The following NRG1 variants were observed in gnomAD, a reference collection of about 807,000 sequenced individuals.
NRG1 encodes the protein neuregulin 1.
Under a neutral mutation model 63.8 loss-of-function variants are expected in NRG1, and 18 were observed. The observed-to-expected ratio is 0.28, with a 90% CI of 0.19 to 0.42. NRG1 has a LOEUF of 0.42. Ranked by LOEUF, NRG1 falls within the 10% of genes least tolerant of loss-of-function variation. The probability of loss-of-function intolerance (pLI) is 1.00; values close to 1 mark genes in which losing one functional copy is unlikely to be tolerated. For missense variants in NRG1, 762 were observed against 814.7 expected (o/e 0.94, Z 0.79); for synonymous variants, 302 against 301.3 (o/e 1.00, Z -0.02).
intron 1 of NRG1, among the ~76,000 whole-genome samples, chr8:32,270,262 A>G (rs1851406981): frequency 1.3e-5 from 2 of 152,216 alleles, no homozygotes; most frequent in South Asian, 4.1e-4. Flanking sequence ...GAAATAAAAA[A>G]CAGTAATTGT....
intron 1 of NRG1, among the ~76,000 whole-genome samples, chr8:31,701,774 T>C (rs1810656549): frequency 6.6e-6 from 1 of 152,122 alleles, no homozygotes; most frequent in South Asian, 2.1e-4. Flanking sequence ...AAAAAATCAA[T>C]ACAAAACAAC....
In NRG1 at chr8:32,760,923, T is replaced by A. The variant is rs953428016; in HGVS notation, c.1259+517T>A. On this transcript the variant is annotated intron_variant, in intron 11 of 11. Transcript: ENST00000356819. Reference sequence around the variant, plus strand: ...TGTCATGGGGGGCAACTGCTTGCCCTCCACCCTATAGTATCTATTTTATGA... The same window carrying A: ...TGTCATGGGGGGCAACTGCTTGCCCACCACCCTATAGTATCTATTTTATGA... 48 of 992,198 alleles carry A rather than the reference T, an allele frequency of 4.8e-5. No individual in the cohort carries two copies. The African/African-American group carries it at 8.2e-4, about 17-fold the overall frequency. The allele number at this position is 992,198 out of a possible 1,614,324, so 61.5% of individuals were successfully genotyped here.
intron 1 of NRG1, among the ~76,000 whole-genome samples, chr8:32,338,882 C>G (rs115097037): frequency 6.8e-4 from 103 of 152,226 alleles, no homozygotes; most frequent in Non-Finnish European, 9.6e-4. Flanking sequence ...TCAGTTGTTA[C>G]ATCTGGCTTT....
chr8:32,441,154 GAGA>G (rs1452042198), intron 1 of NRG1: 1 of 152,146 alleles, frequency 6.6e-6, no homozygotes, highest in Non-Finnish European at 1.5e-5. Context: ...CTCATGCTCA[GAGA>G]TTAAGAGAAT....
At chr8:31,740,433 G>T (rs1393481215) in intron 1 of NRG1, among the ~76,000 whole-genome samples, 1 of 151,922 alleles carries the variant, frequency 6.6e-6, no homozygotes, top group African/African-American at 2.4e-5. Flanking sequence ...GAAATACCTT[G>T]GTTGGTCCTC....
At chr8:31,679,430 G>C (rs1413233783) in intron 1 of NRG1, among the ~76,000 whole-genome samples, 1 of 152,066 alleles carries the variant, frequency 6.6e-6, no homozygotes, top group Non-Finnish European at 1.5e-5. Context: ...TGTCTCTGCT[G>C]TCTAGAACAG....
At chr8:31,995,034 A>G (rs916632582) in intron 1 of NRG1, among the ~76,000 whole-genome samples, 1 of 151,982 alleles carries the variant, frequency 6.6e-6, no homozygotes. Context: ...TTCTCTAATA[A>G]CATCTTTTGT....
chr8:32,595,719 T>C, intron 1 of NRG1, 109 bp from the exon 2 acceptor site: 1 of 977,782 alleles, frequency 1.0e-6, no homozygotes, highest in Non-Finnish European at 1.4e-6. Context: ...TCTCTGTTAA[T>C]AAAACCTTTG....
chr8:32,130,475 TTGGTGGTAATAC>T (rs1834663604), intron 1 of NRG1, among the ~76,000 whole-genome samples: 1 of 152,020 alleles, frequency 6.6e-6, no homozygotes, highest in Admixed American at 6.6e-5. Flanking sequence ...TTCATTGGAA[TTGGTGGTAATAC>T]TGAGGTCAGG....
intron 1 of NRG1, among the ~76,000 whole-genome samples, chr8:31,707,335 A>AT (rs1320132713): frequency 1.3e-5 from 2 of 152,056 alleles, no homozygotes; most frequent in Non-Finnish European, 2.9e-5. Context: ...ATAGTTTTGA[A>AT]TTTTCTGTTC....
chr8:32,174,556 G>C (rs1840470058), intron 1 of NRG1, among the ~76,000 whole-genome samples: 1 of 152,096 alleles, frequency 6.6e-6, no homozygotes, highest in Admixed American at 6.6e-5. Context: ...CTGGTTTTCT[G>C]AAAATATCAA....
chr8:32,578,184 C>T (rs1040330781), intron 1 of NRG1, among the ~76,000 whole-genome samples: 1 of 152,064 alleles, frequency 6.6e-6, no homozygotes, highest in Non-Finnish European at 1.5e-5. Flanking sequence ...TTAGTAGAGA[C>T]AAGATTTCAG....
intron 1 of NRG1, among the ~76,000 whole-genome samples, chr8:32,156,467 T>C (rs1368329415): frequency 4.6e-5 from 7 of 152,252 alleles, no homozygotes; most frequent in African/African-American, 4.8e-5. Context: ...TATGATACTA[T>C]GTCTATTTTT....
At chr8:31,824,478 G>A (rs1022105451) in intron 1 of NRG1, among the ~76,000 whole-genome samples, 3 of 152,060 alleles carry the variant, frequency 2.0e-5, no homozygotes, top group African/African-American at 7.2e-5. Context: ...TCCTTTCCTG[G>A]ATCAGAGTTG....
chr8:32,357,033 A>G (rs1196215140), intron 1 of NRG1, among the ~76,000 whole-genome samples: 1 of 152,198 alleles, frequency 6.6e-6, no homozygotes, highest in Non-Finnish European at 1.5e-5. Context: ...AGGCATGTTT[A>G]AATGCTGTTT....
At position 32,097,476 on chromosome 8, in the gene NRG1, T is replaced by G. The variant is rs1388898358; in HGVS notation, c.37+458045T>G. On this transcript the variant is annotated intron_variant, in intron 1 of 10. Coordinates refer to the NRG1 transcript ENST00000519301. ...ATTCAACAGCGTATAAAAGTTCCAT[T>G]TTCTCGGCATCTTTGTCAGCATTTG... 2.0e-5 allele frequency among the ~76,000 whole-genome samples: 3 copies of G among 152,214 alleles called. No individual in the cohort carries two copies. In the East Asian group the frequency reaches 5.8e-4, roughly 29 times the overall value.
At chr8:32,055,791 G>A (rs1311477006) in intron 1 of NRG1, among the ~76,000 whole-genome samples, 2 of 151,870 alleles carry the variant, frequency 1.3e-5, no homozygotes, top group Admixed American at 6.6e-5. Context: ...ACGGGGACTG[G>A]CTACCCAGAT....
At chr8:32,011,155 C>A (rs1006311304) in intron 1 of NRG1, among the ~76,000 whole-genome samples, 17 of 152,016 alleles carry the variant, frequency 1.1e-4, no homozygotes, top group Non-Finnish European at 2.4e-4. Context: ...ACCACGATGT[C>A]AGTACGGAAG....
At chr8:31,828,116 G>A (rs539053668) in intron 1 of NRG1, among the ~76,000 whole-genome samples, 32 of 152,308 alleles carry the variant, frequency 2.1e-4, no homozygotes, top group African/African-American at 6.5e-4. Context: ...GTTTGTATGA[G>A]TTCACAGATA....
Sources: allele counts gnomAD v4.1 joint callset (sites outside exome capture counted in the v4.1 genomes callset), GRCh38; gene constraint gnomAD v4.1.1; transcripts MANE v1.5; gene names NCBI Gene and HGNC (gene_info 2026-07-23, HGNC 2026-07-21).